The following COBLL1 variants were observed in gnomAD, a reference collection of about 807,000 sequenced individuals.
COBLL1 encodes the protein cordon-bleu WH2 repeat protein like 1, also known as cordon-bleu protein-like 1.
Under a neutral mutation model 94.8 loss-of-function variants are expected in COBLL1, and 50 were observed. The observed-to-expected ratio is 0.53, with a 90% CI of 0.42 to 0.67. The LOEUF is 0.67. COBLL1 is among the 30% of genes least tolerant of loss of function. The pLI, the probability that COBLL1 is intolerant of heterozygous loss-of-function variation, is 0.00. For synonymous variants in COBLL1, 448 were observed against 473.8 expected (o/e 0.95, Z 0.71); for missense variants, 1,362 against 1,348.7 (o/e 1.01, Z -0.15).
intron 2 of COBLL1, among the ~76,000 whole-genome samples, chr2:164,818,192 G>C (rs1404699838): frequency 7.2e-6 from 1 of 138,772 alleles, no homozygotes; most frequent in African/African-American, 2.7e-5. Context: ...GTATATATAC[G>C]TATGTATACA....
At chr2:164,723,109 G>A (rs533446305) in intron 5 of COBLL1, 1 of 152,342 alleles carries the variant, frequency 6.6e-6, no homozygotes, top group African/African-American at 2.4e-5. Flanking sequence ...CATTGGCAAT[G>A]AGGTTAGGAG....
intron 3 of COBLL1, among the ~76,000 whole-genome samples, chr2:164,735,506 C>T (rs1204185626): frequency 6.6e-6 from 1 of 152,108 alleles, no homozygotes; most frequent in African/African-American, 2.4e-5. Flanking sequence ...GGAAAGCTGA[C>T]CCTGACCACA....
At chr2:164,662,224 A>T (rs994124350) in intron 2 of COBLL1, among the ~76,000 whole-genome samples, 1 of 152,194 alleles carries the variant, frequency 6.6e-6, no homozygotes, top group Non-Finnish European at 1.5e-5. Context: ...GCAGCCAGAT[A>T]TTCCTTAAAT....
chr2:164,725,657 A>T (rs561645738), intron 5 of COBLL1, among the ~76,000 whole-genome samples: 1 of 152,206 alleles, frequency 6.6e-6, no homozygotes, highest in Admixed American at 6.5e-5. Context: ...AGGCTCAAGC[A>T]ATCTTCCCAC....
chr2:164,667,168 A>G (rs1691173074), intron 1 of COBLL1, among the ~76,000 whole-genome samples: 1 of 152,168 alleles, frequency 6.6e-6, no homozygotes, highest in South Asian at 2.1e-4. Flanking sequence ...ATTATCAATG[A>G]ACAGTAATAT....
At chr2:164,795,757 T>TTA (rs1683416999) in intron 2 of COBLL1, among the ~76,000 whole-genome samples, 1 of 152,220 alleles carries the variant, frequency 6.6e-6, no homozygotes, top group Non-Finnish European at 1.5e-5. Context: ...TGATCAACAA[T>TTA]CTTAAAATAT....
intron 2 of COBLL1, among the ~76,000 whole-genome samples, chr2:164,793,750 T>C (rs998148594): frequency 1.3e-5 from 2 of 152,210 alleles, no homozygotes; most frequent in African/African-American, 4.8e-5. Context: ...TAGTATGTCA[T>C]GGAATATAAA....
intron 2 of COBLL1, among the ~76,000 whole-genome samples, chr2:164,830,773 A>G (rs1280369119): frequency 6.6e-6 from 1 of 152,206 alleles, no homozygotes. Context: ...TGTATGGTAA[A>G]GTGAAGTAAA....
chr2:164,698,508 T>C (rs563415926), intron 11 of COBLL1, among the ~76,000 whole-genome samples: 54 of 151,892 alleles, frequency 3.6e-4, no homozygotes, highest in Admixed American at 1.2e-3. Flanking sequence ...ATTAACATAA[T>C]AGATTGGACT....
At chr2:164,762,938 C>T (rs1006042569) in intron 2 of COBLL1, among the ~76,000 whole-genome samples, 4 of 152,062 alleles carry the variant, frequency 2.6e-5, no homozygotes, top group Non-Finnish European at 4.4e-5. Context: ...CCTTGTGCTC[C>T]GCCTGCCTCG....
At chr2:164,698,212 G>A (rs1435997531) in intron 11 of COBLL1, 2 of 151,808 alleles carry the variant, frequency 1.3e-5, no homozygotes, top group African/African-American at 4.8e-5. Context: ...CAATAGGAAT[G>A]CTATTGCCAT....
At chr2:164,813,402 A>G (rs1684554392) in intron 2 of COBLL1, among the ~76,000 whole-genome samples, 1 of 152,134 alleles carries the variant, frequency 6.6e-6, no homozygotes, top group Admixed American at 6.5e-5. Context: ...CTTCTCAGGA[A>G]AGACTTTTTA....
At chr2:164,811,461 T>C (rs986325983) in intron 2 of COBLL1, among the ~76,000 whole-genome samples, 1 of 151,920 alleles carries the variant, frequency 6.6e-6, no homozygotes, top group South Asian at 2.1e-4. Context: ...TACATAACAG[T>C]GAATCTAAGA....
rs558564792 is a variant in COBLL1, at chr2:164,659,545, A to C, written n.182-5631T>G. The stretch of plus-strand genomic sequence containing the variant: ...CTGATAGCTACAAGTCTCCTTTAGC[A>C]GTGAGTATGCCGTTCACATCATGAG... On this transcript the variant is annotated intron_variant and non_coding_transcript_variant, in intron 2 of 2. Coordinates refer to the COBLL1 transcript ENST00000495084. Among the ~76,000 whole-genome samples, 3 of 152,338 alleles carry C rather than the reference A, an allele frequency of 2.0e-5. No individual in the cohort carries two copies. In the South Asian group the frequency reaches 6.2e-4, roughly 32 times the overall value.
At chr2:164,786,060 A>G (rs1386067263) in intron 2 of COBLL1, among the ~76,000 whole-genome samples, 1 of 152,198 alleles carries the variant, frequency 6.6e-6, no homozygotes, top group Non-Finnish European at 1.5e-5. Flanking sequence ...TTTGATTTCC[A>G]GTGTTTCTAT....
chr2:164,686,391 T>C (rs952991537), intron 13 of COBLL1, among the ~76,000 whole-genome samples: 4 of 152,164 alleles, frequency 2.6e-5, no homozygotes, highest in African/African-American at 7.2e-5. Context: ...TCTGAGAATG[T>C]AGAAAGATAA....
rs1170486540 is a variant in COBLL1, at chr2:164,695,834, C to A, written c.1558G>T (p.Val520Phe). Residue 520 changes from valine to phenylalanine, a missense_variant and splice_region_variant, in exon 12 of 14, where the codon GTT becomes TTT. Coordinates refer to ENST00000652658, the MANE Select transcript of COBLL1 (RefSeq NM_001365672.2). Reference protein sequence around the residue: ...KSLGPNQENVVQNEIIVYPEN... With the variant: ...KSLGPNQENVFQNEIIVYPEN... ...GGATAGACAATTATTTCATTTTGAA[C>A]TACTGAGAGAAAAAAATCATCAAGT... 1.9e-6 allele frequency: 3 copies of A among 1,549,276 alleles called. No homozygotes were observed. The highest frequency in any genetic ancestry group is 4.5e-5 in the East Asian group (2 of 44,322).
chr2:164,672,060 T>C (rs1353354530), intron 1 of COBLL1, among the ~76,000 whole-genome samples: 1 of 152,222 alleles, frequency 6.6e-6, no homozygotes, highest in East Asian at 1.9e-4. Flanking sequence ...CGCTGGTATA[T>C]AGGAAAGTAC....
chr2:164,722,448 G>T lies in COBLL1; in HGVS notation c.736C>A (p.Arg246Ser), dbSNP rs553945564. Reference sequence around the variant, plus strand: ...ACTTGGTCTCGCTTTTTCTTACTGCGTTGAAAAAAACTGAAAAACCCTTTA... The same window carrying T: ...ACTTGGTCTCGCTTTTTCTTACTGCTTTGAAAAAAACTGAAAAACCCTTTA... ...ENKGFFSFFQRSKKKRDQTAS... is the reference protein window; with the variant it reads ...ENKGFFSFFQSSKKKRDQTAS... Residue 246 changes from arginine (R) to serine (S), a missense_variant, in exon 6 of 14, where the codon CGC becomes AGC. Arg to Ser is a moderately radical substitution (Grantham distance 110). Coordinates refer to ENST00000652658, the MANE Select transcript of COBLL1 (RefSeq NM_001365672.2). 40 of 1,519,810 alleles carry T rather than the reference G, an allele frequency of 2.6e-5. No homozygotes were observed. The highest frequency in any genetic ancestry group is 3.3e-5 in the Non-Finnish European group (38 of 1,135,952). The allele number at this position is 1,519,810 out of a possible 1,614,324, so 94.1% of individuals were successfully genotyped here.
Sources: allele counts gnomAD v4.1 joint callset (sites outside exome capture counted in the v4.1 genomes callset), GRCh38; gene constraint gnomAD v4.1.1; transcripts MANE v1.5; gene names NCBI Gene and HGNC (gene_info 2026-07-23, HGNC 2026-07-21).